The following HS6ST3 variants were observed in gnomAD, a reference collection of about 807,000 sequenced individuals.
The protein encoded by HS6ST3 is heparan-sulfate 6-O-sulfotransferase 3.
Under a neutral mutation model 36.7 loss-of-function variants are expected in HS6ST3, and 12 were observed. That is an observed-to-expected ratio of 0.33 (90% CI 0.21 to 0.53). The LOEUF (loss-of-function observed/expected upper bound fraction) is 0.53. Among genes scored for constraint, HS6ST3 ranks in the 20% least tolerant of loss-of-function variants. HS6ST3 has a pLI of 0.95. For synonymous variants in HS6ST3, 240 were observed against 257.5 expected, an observed-to-expected ratio of 0.93 and a Z score of 0.65; for missense variants, 584 against 640.9, an observed-to-expected ratio of 0.91 and a Z score of 0.96.
chr13:96,262,854 AATTT>A (rs1566305199), intron 1 of HS6ST3, among the ~76,000 whole-genome samples: 2 of 151,974 alleles, frequency 1.3e-5, no homozygotes, highest in African/African-American at 4.8e-5. Flanking sequence ...GACTTCCCTG[AATTT>A]ATTTATATTA....
At chr13:96,740,344 C>A (rs1171969885) in intron 1 of HS6ST3, among the ~76,000 whole-genome samples, 1 of 152,084 alleles carries the variant, frequency 6.6e-6, no homozygotes, top group East Asian at 1.9e-4. Flanking sequence ...AACACAAAGG[C>A]TCCTCTCTGG....
intron 1 of HS6ST3, among the ~76,000 whole-genome samples, chr13:96,505,785 C>A (rs921449487): frequency 1.3e-5 from 2 of 152,086 alleles, no homozygotes; most frequent in Non-Finnish European, 2.9e-5. Flanking sequence ...AACTGTATGT[C>A]ACATTAAAAA....
intron 1 of HS6ST3, among the ~76,000 whole-genome samples, chr13:96,321,096 T>A (rs1193291855): frequency 1.3e-5 from 2 of 151,942 alleles, no homozygotes; most frequent in African/African-American, 4.8e-5. Context: ...CTTTTTTTTT[T>A]ACTTTGTCTA....
intron 1 of HS6ST3, among the ~76,000 whole-genome samples, chr13:96,729,810 A>C (rs771264442): frequency 2.0e-4 from 31 of 152,196 alleles, no homozygotes; most frequent in Non-Finnish European, 4.0e-4. Flanking sequence ...GCTTTTAAAA[A>C]TAACTTACAC....
At chr13:96,192,519 C>T (rs2054293116) in intron 1 of HS6ST3, among the ~76,000 whole-genome samples, 1 of 152,002 alleles carries the variant, frequency 6.6e-6, no homozygotes, top group African/African-American at 2.4e-5. Flanking sequence ...TTGTTTAGCT[C>T]CCCCTTTTAA....
chr13:96,346,371 A>C (rs371014213), intron 1 of HS6ST3, among the ~76,000 whole-genome samples: 1 of 152,056 alleles, frequency 6.6e-6, no homozygotes, highest in Non-Finnish European at 1.5e-5. Context: ...TCAGGAGATC[A>C]AGACCATCCT....
At chr13:96,106,422 C>G (rs2053842035) in intron 1 of HS6ST3, among the ~76,000 whole-genome samples, 1 of 152,160 alleles carries the variant, frequency 6.6e-6, no homozygotes, top group Non-Finnish European at 1.5e-5. Flanking sequence ...TATAGAGAAG[C>G]CTACTTGGCA....
chr13:96,612,741 TG>T (rs1308792999), intron 1 of HS6ST3, among the ~76,000 whole-genome samples: 1 of 152,142 alleles, frequency 6.6e-6, no homozygotes, highest in Non-Finnish European at 1.5e-5. Flanking sequence ...CTAATAAAAT[TG>T]CCCTTCCATT....
chr13:96,564,360 A>G lies in HS6ST3; in HGVS notation c.708-268130A>G, dbSNP rs191927696. ...TTTTTCCCCTTTGTGGTGAACTGCT[A>G]TAATCTGTCTTGGAAAGTACTTTTA... On this transcript the variant is annotated intron_variant, in intron 1 of 1. Coordinates refer to ENST00000376705, the MANE Select transcript of HS6ST3 (RefSeq NM_153456.4). Among the ~76,000 whole-genome samples the G allele has an allele frequency of 2.0e-5, 3 of 152,298 alleles. No individual in the cohort carries two copies. The East Asian group carries it at 5.8e-4, about 29-fold the overall frequency.
chr13:96,631,718 T>G (rs1054377339), intron 1 of HS6ST3, among the ~76,000 whole-genome samples: 7 of 152,244 alleles, frequency 4.6e-5, no homozygotes, highest in African/African-American at 1.7e-4. Context: ...CAAGGTTTTC[T>G]CCAAGTAATA....
intron 1 of HS6ST3, among the ~76,000 whole-genome samples, chr13:96,408,938 G>T (rs1469652906): frequency 6.6e-6 from 1 of 151,920 alleles, no homozygotes; most frequent in African/African-American, 2.4e-5. Context: ...AAAAAGAAAA[G>T]AAAAGAAAAG....
intron 1 of HS6ST3, among the ~76,000 whole-genome samples, chr13:96,829,717 A>T (rs1878732168): frequency 6.6e-6 from 1 of 152,082 alleles, no homozygotes; most frequent in Admixed American, 6.6e-5. Flanking sequence ...CATTTTCTTT[A>T]TCCAGTCTAT....
At chr13:96,284,372 C>T (rs1387697666) in intron 1 of HS6ST3, among the ~76,000 whole-genome samples, 1 of 152,156 alleles carries the variant, frequency 6.6e-6, no homozygotes, top group Non-Finnish European at 1.5e-5. Context: ...GACAATGCAG[C>T]CTTCAGTCTG....
At chr13:96,595,423 G>A (rs1241284122) in intron 1 of HS6ST3, among the ~76,000 whole-genome samples, 5 of 151,430 alleles carry the variant, frequency 3.3e-5, no homozygotes, top group Non-Finnish European at 7.4e-5. Flanking sequence ...TCTTTTATAT[G>A]TTATTTTTTT....
chr13:96,358,918 A>G (rs937637719), intron 1 of HS6ST3, among the ~76,000 whole-genome samples: 22 of 151,270 alleles, frequency 1.5e-4, no homozygotes, highest in African/African-American at 5.4e-4. Context: ...CTATCTATCT[A>G]GAGAGAGATG....
At chr13:96,189,418 A>G (rs1431132630) in intron 1 of HS6ST3, among the ~76,000 whole-genome samples, 1 of 152,060 alleles carries the variant, frequency 6.6e-6, no homozygotes, top group Non-Finnish European at 1.5e-5. Flanking sequence ...GTCACTAGGT[A>G]AGGTAAAAAT....
intron 1 of HS6ST3, among the ~76,000 whole-genome samples, chr13:96,398,431 C>G (rs929089868): frequency 6.6e-6 from 1 of 151,956 alleles, no homozygotes. Context: ...TACAGAGACC[C>G]GCCACCATGC....
intron 1 of HS6ST3, among the ~76,000 whole-genome samples, chr13:96,173,701 C>T (rs923414201): frequency 3.4e-5 from 5 of 147,604 alleles, no homozygotes; most frequent in African/African-American, 2.5e-5. Context: ...AAATGGAGTC[C>T]AGAGGATAGT....
chr13:96,470,938 G>A lies in HS6ST3; in HGVS notation c.708-361552G>A, dbSNP rs117753628. Among the ~76,000 whole-genome samples the A allele has an allele frequency of 5.3e-3, 803 of 152,274 alleles. 4 individuals are homozygous for A. Among genetic ancestry groups the A allele is most frequent in the Non-Finnish European group, 9.0e-3 (614 of 68,020 alleles). ...GGCCTCCAAGTCTGGGAAAGAAATA[G>A]CATCTGTAATTTTTTTGTCATAACC... On this transcript the variant is annotated intron_variant, in intron 1 of 1. Transcript: ENST00000376705.
Sources: allele counts gnomAD v4.1 joint callset (sites outside exome capture counted in the v4.1 genomes callset), GRCh38; gene constraint gnomAD v4.1.1; transcripts MANE v1.5; gene names NCBI Gene and HGNC (gene_info 2026-07-23, HGNC 2026-07-21).